HBP1: variants seen among roughly 807,000 people sequenced by gnomAD.
HBP1 encodes HMG box-containing protein 1.
In HBP1, 20 loss-of-function variants were observed where a neutral mutation model predicts 62.6. The observed-to-expected ratio is 0.32, with a 90% CI of 0.22 to 0.46. The LOEUF (loss-of-function observed/expected upper bound fraction) is 0.46, where lower values mean the gene tolerates loss of function less well. HBP1 is among the 20% of genes least tolerant of loss of function. The pLI is 1.00. For synonymous variants in HBP1, 232 were observed against 206.2 expected, an observed-to-expected ratio of 1.12 and a Z score of -1.07; for missense variants, 480 against 611.8, an observed-to-expected ratio of 0.78 and a Z score of 2.27.
Position 107,201,489 on chromosome 7 carries a change from A to G in HBP1, c.*58A>G, listed in dbSNP as rs1472441877. The G allele has an allele frequency of 1.4e-5, 15 of 1,061,342 alleles. No individual in the cohort carries two copies. In the East Asian group the frequency reaches 3.3e-4, roughly 24 times the overall value. The allele number at this position is 1,061,342 out of a possible 1,614,324, so 65.7% of individuals were successfully genotyped here. ...GCATATACATTGACTCTTGATGGAA[A>G]GACTTAAGAAGATCAAGGTCTCACC... On this transcript the variant is annotated 3_prime_UTR_variant, in exon 11 of 11. Coordinates refer to ENST00000222574, the MANE Select transcript of HBP1 (RefSeq NM_012257.4).
chr7:107,182,851 A>G (rs950203070), intron 3 of HBP1, among the ~76,000 whole-genome samples: 4 of 152,192 alleles, frequency 2.6e-5, no homozygotes, highest in African/African-American at 9.6e-5. Context: ...AATAAATTAG[A>G]CCATGAAATA....
At chr7:107,174,161 G>A (rs1306988031) in intron 1 of HBP1, among the ~76,000 whole-genome samples, 1 of 152,154 alleles carries the variant, frequency 6.6e-6, no homozygotes, top group Non-Finnish European at 1.5e-5. Flanking sequence ...TAAGTAGAGG[G>A]ACCGACCGTG....
chr7:107,171,087 T>TTTTTA (rs1796568117), intron 1 of HBP1, among the ~76,000 whole-genome samples: 1 of 133,806 alleles, frequency 7.5e-6, no homozygotes, highest in Non-Finnish European at 1.6e-5. Context: ...TTTTTTTTTT[T>TTTTTA]TGAGAGGGAG....
chr7:107,171,309 A>G (rs2115760302), intron 1 of HBP1, among the ~76,000 whole-genome samples: 1 of 151,370 alleles, frequency 6.6e-6, no homozygotes, highest in South Asian at 2.1e-4. Flanking sequence ...TGACCTCGTG[A>G]TCTGCCCGCC....
intron 7 of HBP1, 112 bp from the exon 8 acceptor site, chr7:107,190,061 T>C (rs1797576657): frequency 4.0e-6 from 3 of 756,774 alleles, no homozygotes; most frequent in African/African-American, 3.6e-5. Context: ...AGAGAATCTC[T>C]TGAGACTTAG....
intron 9 of HBP1, among the ~76,000 whole-genome samples, chr7:107,199,109 A>AGAGT (rs1798073812): frequency 1.3e-5 from 2 of 152,178 alleles, no homozygotes; most frequent in Admixed American, 6.5e-5. Context: ...TTTTTGAGAC[A>AGAGT]GAGTCTCATT....
chr7:107,187,419 A>G (rs1797442919), intron 6 of HBP1, among the ~76,000 whole-genome samples: 1 of 152,188 alleles, frequency 6.6e-6, no homozygotes, highest in South Asian at 2.1e-4. Context: ...GCATTTTCTA[A>G]GTCGATGAGC....
At chr7:107,173,073 A>G (rs2115778509) in intron 1 of HBP1, among the ~76,000 whole-genome samples, 1 of 152,314 alleles carries the variant, frequency 6.6e-6, no homozygotes, top group Admixed American at 6.5e-5. Flanking sequence ...TACCTGTGAA[A>G]TCTTTTGAAG....
chr7:107,182,444 G>A lies in HBP1; in HGVS notation c.241G>A (p.Val81Ile). Residue 81 changes from valine (V) to isoleucine (I), a missense_variant, in exon 3 of 11, where the codon GTT becomes ATT. By Grantham distance (29) the Val-to-Ile change is conservative. Around this residue, in one of 4 missense-constraint regions of HBP1, gnomAD observed 304 missense variants for 330.9 expected, o/e 0.92. Transcript: ENST00000222574. Reference protein sequence around the residue: ...QSGMYQLSSDVSHQEYPRSSW... With the variant: ...QSGMYQLSSDISHQEYPRSSW... Reference sequence around the variant, plus strand: ...TGGCATGTACCAGCTGAGTTCAGATGTTTCACATCAAGAATACCCAAGATC... The same window carrying A: ...TGGCATGTACCAGCTGAGTTCAGATATTTCACATCAAGAATACCCAAGATC... 1.2e-6 allele frequency: 2 copies of A among 1,613,638 alleles called. No individual in the cohort carries two copies. The highest frequency in any genetic ancestry group is 1.7e-6 in the Non-Finnish European group (2 of 1,179,566).
Position 107,188,718 on chromosome 7 carries a change from ATCTTT to A in HBP1, c.766-569_766-565del, listed in dbSNP as rs538553983. On this transcript the variant is annotated intron_variant, in intron 6 of 10. Coordinates refer to ENST00000222574, the MANE Select transcript of HBP1 (RefSeq NM_012257.4). ...ATATCCTCAGGTAATTGAATATGAG[ATCTTT>A]TCTTCTGTAGAGTCTTTTCTTATTT... Among the ~76,000 whole-genome samples, 711 of 152,300 alleles carry A rather than the reference ATCTTT, an allele frequency of 4.7e-3. 2 individuals are homozygous for A. Among genetic ancestry groups the A allele is most frequent in the Non-Finnish European group, 6.5e-3 (441 of 68,022 alleles).
intron 1 of HBP1, among the ~76,000 whole-genome samples, chr7:107,172,401 T>C (rs1008408654): frequency 5.3e-5 from 8 of 152,142 alleles, no homozygotes; most frequent in Non-Finnish European, 1.5e-5. Context: ...GAGAAAATTA[T>C]GTTTCTAGTT....
intron 2 of HBP1, among the ~76,000 whole-genome samples, chr7:107,181,440 C>A (rs1797102075): frequency 6.6e-6 from 1 of 151,854 alleles, no homozygotes; most frequent in Non-Finnish European, 1.5e-5. Context: ...CCACTGCACT[C>A]CAGCCTGGGC....
At chr7:107,171,073 A>ATATATATATATATATATATT in intron 1 of HBP1, among the ~76,000 whole-genome samples, 2 of 87,200 alleles carry the variant, frequency 2.3e-5, no homozygotes, top group African/African-American at 1.3e-4. Flanking sequence ...ATATATATAT[A>ATATATATATATATATATATT]TTTTTTTTTT....
chr7:107,196,452 T>G, intron 9 of HBP1: 2 of 363,416 alleles, frequency 5.5e-6, no homozygotes, highest in South Asian at 4.2e-5. Flanking sequence ...GTATTTTTAG[T>G]AGAGACAGGG....
chr7:107,196,208 T>C (rs560553470), intron 9 of HBP1, 57 bp downstream of exon 9: 5 of 965,110 alleles, frequency 5.2e-6, no homozygotes, highest in Admixed American at 5.2e-5. Context: ...ATACGGTTCA[T>C]GGTAACTGGA....
intron 7 of HBP1, chr7:107,189,751 AAG>A (rs1262958881): frequency 4.1e-6 from 1 of 244,028 alleles, no homozygotes; most frequent in Non-Finnish European, 7.8e-6. Context: ...CATTTTCATT[AAG>A]AGTTACCAAA....
chr7:107,178,687 A>C (rs1283761157), intron 1 of HBP1, among the ~76,000 whole-genome samples: 1 of 152,234 alleles, frequency 6.6e-6, no homozygotes, highest in Non-Finnish European at 1.5e-5. Context: ...TATTTTTATG[A>C]GAATTGTAAT....
rs1002985174 is a variant in HBP1 at position 107,181,501 on chromosome 7, G to A, written c.170-872G>A. On this transcript the variant is annotated intron_variant, in intron 2 of 10. Transcript: ENST00000222574. ...AAAAATTTTTTTTTTTTTAAGATAG[G>A]ACATTTCGGTTTTAGTAGACTATTC... Among the ~76,000 whole-genome samples, 113 of 151,602 alleles carry A rather than the reference G, an allele frequency of 7.5e-4. 1 individual carries two copies. The highest frequency in any genetic ancestry group is 2.5e-3 in the South Asian group (12 of 4,800).
chr7:107,201,550 T>G lies in HBP1; in HGVS notation c.*119T>G. 3.6e-6 allele frequency: 2 copies of G among 561,742 alleles called. No homozygotes were observed. Among genetic ancestry groups the G allele is most frequent in the Non-Finnish European group, 6.6e-6 (2 of 304,672 alleles). The allele number at this position is 561,742 out of a possible 1,614,324, so 34.8% of individuals were successfully genotyped here. Reference sequence around the variant, plus strand: ...AATTCGTGTGACCATAAGATACTGATAGCATTGAGTCTTGAAATGATTTAA... The same window carrying G: ...AATTCGTGTGACCATAAGATACTGAGAGCATTGAGTCTTGAAATGATTTAA... On this transcript the variant is annotated 3_prime_UTR_variant, in exon 11 of 11. Transcript: ENST00000222574.
Sources: allele counts gnomAD v4.1 joint callset (sites outside exome capture counted in the v4.1 genomes callset), GRCh38; gene constraint gnomAD v4.1.1; regional missense constraint gnomAD v4.1.1; transcripts MANE v1.5; gene names NCBI Gene and HGNC (gene_info 2026-07-23, HGNC 2026-07-21).